Variants in CMTM8 observed in about 807,000 individuals in gnomAD.
CMTM8 encodes CKLF-like MARVEL transmembrane domain-containing protein 8.
In CMTM8, 12 loss-of-function variants were observed where a neutral mutation model predicts 18.6. The observed-to-expected ratio is 0.65, with a 90% CI of 0.41 to 1.05. CMTM8 has a LOEUF of 1.05. Ranked by LOEUF, CMTM8 falls within the 50% of genes least tolerant of loss-of-function variation. The pLI, the probability that CMTM8 is intolerant of heterozygous loss-of-function variation, is 0.00. For synonymous variants in CMTM8, 87 were observed against 90.6 expected, an observed-to-expected ratio of 0.96 and a Z score of 0.23; for missense variants, 217 against 227.2, an observed-to-expected ratio of 0.95 and a Z score of 0.29.
At chr3:32,281,323 G>T (rs1357080352) in intron 1 of CMTM8, among the ~76,000 whole-genome samples, 2 of 152,144 alleles carry the variant, frequency 1.3e-5, no homozygotes, top group African/African-American at 4.8e-5. Context: ...CTCTTCTCTT[G>T]GAACGTTTTG....
chr3:32,259,984 G>T, intron 1 of CMTM8: 1 of 1,103,402 alleles, frequency 9.1e-7, no homozygotes, highest in South Asian at 1.3e-5. Context: ...AGTCAGAGCT[G>T]GCACTGACCC....
At chr3:32,341,990 G>A (rs913711654) in intron 1 of CMTM8, among the ~76,000 whole-genome samples, 7 of 152,048 alleles carry the variant, frequency 4.6e-5, no homozygotes, top group Non-Finnish European at 7.4e-5. Flanking sequence ...GCTCACGCCT[G>A]TAATCCCAGC....
chr3:32,293,511 G>A (rs1384842525), intron 1 of CMTM8, among the ~76,000 whole-genome samples: 2 of 152,194 alleles, frequency 1.3e-5, no homozygotes, highest in Non-Finnish European at 2.9e-5. Flanking sequence ...TTGTGCCACT[G>A]CATTCCAGCC....
chr3:32,330,520 A>G (rs971631956), intron 1 of CMTM8, among the ~76,000 whole-genome samples: 1 of 152,222 alleles, frequency 6.6e-6, no homozygotes. Context: ...TATATAAAAC[A>G]AAGCTACAGT....
intron 1 of CMTM8, chr3:32,259,553 C>G: frequency 2.4e-6 from 2 of 824,326 alleles, no homozygotes; most frequent in South Asian, 2.6e-5. Context: ...GATCGAGGCT[C>G]TCAAGAAGGA....
intron 2 of CMTM8, among the ~76,000 whole-genome samples, chr3:32,365,266 AC>A (rs774118008): frequency 2.6e-5 from 4 of 151,846 alleles, no homozygotes; most frequent in Non-Finnish European, 5.9e-5. Flanking sequence ...GTCCACAAGT[AC>A]TATGCATAGC....
chr3:32,362,714 T>C (rs181583031), intron 2 of CMTM8, among the ~76,000 whole-genome samples: 118 of 152,204 alleles, frequency 7.8e-4, no homozygotes, highest in African/African-American at 2.8e-3. Context: ...CCATTTGTTA[T>C]TGTAAATCTT....
At chr3:32,367,321 ACATTAGTT>A (rs1034320643) in intron 2 of CMTM8, among the ~76,000 whole-genome samples, 2 of 152,252 alleles carry the variant, frequency 1.3e-5, no homozygotes, top group Non-Finnish European at 2.9e-5. Context: ...GCCAAGGGTA[ACATTAGTT>A]CCCAAAGGGC....
At chr3:32,361,122 A>T (rs1003631437) in intron 2 of CMTM8, among the ~76,000 whole-genome samples, 8 of 152,024 alleles carry the variant, frequency 5.3e-5, no homozygotes, top group Non-Finnish European at 1.2e-4. Context: ...GCTGGGATTA[A>T]AGGCATGCGC....
At chr3:32,289,979 A>C (rs1233259403) in intron 1 of CMTM8, among the ~76,000 whole-genome samples, 1 of 152,094 alleles carries the variant, frequency 6.6e-6, no homozygotes, top group Non-Finnish European at 1.5e-5. Context: ...AAATATACAA[A>C]AATTAGCCAG....
intron 1 of CMTM8, among the ~76,000 whole-genome samples, chr3:32,329,876 C>T (rs936236811): frequency 1.2e-4 from 18 of 152,122 alleles, no homozygotes; most frequent in African/African-American, 4.3e-4. Context: ...AAAAAAGCTG[C>T]TCAACTAATA....
intron 1 of CMTM8, among the ~76,000 whole-genome samples, chr3:32,255,155 A>T (rs1029796512): frequency 6.6e-6 from 1 of 151,956 alleles, no homozygotes; most frequent in Non-Finnish European, 1.5e-5. Context: ...ACCACATTTT[A>T]TTCATCTGTT....
chr3:32,368,456 A>ATT (rs10594471), intron 3 of CMTM8, among the ~76,000 whole-genome samples: 1,627 of 128,110 alleles, frequency 0.013, 21 homozygotes, highest in Non-Finnish European at 0.019. Flanking sequence ...AGAAACTTCT[A>ATT]TTTTTTTTTT....
chr3:32,368,456 ATT>A (rs10594471), intron 3 of CMTM8, among the ~76,000 whole-genome samples: 38,589 of 127,762 alleles, frequency 0.3, 5,832 homozygotes, highest in East Asian at 0.52. Flanking sequence ...AGAAACTTCT[ATT>A]TTTTTTTTTT....
At chr3:32,258,873 C>G in intron 1 of CMTM8, 1 of 212,286 alleles carries the variant, frequency 4.7e-6, no homozygotes, top group South Asian at 7.9e-5. Flanking sequence ...AAAGTACTAT[C>G]TCACTACATG....
intron 1 of CMTM8, among the ~76,000 whole-genome samples, chr3:32,303,254 CAG>C (rs1695657840): frequency 3.3e-5 from 5 of 152,196 alleles, no homozygotes; most frequent in Non-Finnish European, 7.3e-5. Flanking sequence ...CTCTTGAGAG[CAG>C]TTGTGTTAAC....
intron 1 of CMTM8, among the ~76,000 whole-genome samples, chr3:32,313,264 T>C (rs558725426): frequency 6.6e-6 from 1 of 152,296 alleles, no homozygotes; most frequent in African/African-American, 2.4e-5. Flanking sequence ...ACGGATTCTT[T>C]CTGAGTAATG....
chr3:32,335,588 C>G (rs750647397), intron 1 of CMTM8, among the ~76,000 whole-genome samples: 41 of 152,172 alleles, frequency 2.7e-4, no homozygotes, highest in Middle Eastern at 3.2e-3. Context: ...CCATTGGACC[C>G]TACTGATCCT....
chr3:32,250,515 A>T (rs4303904), intron 1 of CMTM8, among the ~76,000 whole-genome samples: 13,178 of 152,274 alleles, frequency 0.087, 739 homozygotes, highest in Admixed American at 0.17. Context: ...ATAATTTATG[A>T]ACATGGGATG....
Sources: allele counts gnomAD v4.1 joint callset (sites outside exome capture counted in the v4.1 genomes callset), GRCh38; gene constraint gnomAD v4.1.1; transcripts MANE v1.5; gene names NCBI Gene and HGNC (gene_info 2026-07-23, HGNC 2026-07-21).